Variants in MYO18B observed in about 807,000 individuals in gnomAD.
The protein encoded by MYO18B is unconventional myosin-XVIIIb.
Under a neutral mutation model 273.0 loss-of-function variants are expected in MYO18B, and 204 were observed. The observed-to-expected ratio is 0.75, with a 90% CI of 0.67 to 0.84. The LOEUF (loss-of-function observed/expected upper bound fraction) is 0.84. MYO18B is among the 40% of genes least tolerant of loss of function. The probability of loss-of-function intolerance (pLI) is 0.00; values close to 1 mark genes in which losing one functional copy is unlikely to be tolerated. For missense variants in MYO18B, 3,212 were observed against 3,287.6 expected, an observed-to-expected ratio of 0.98 and a Z score of 0.56; for synonymous variants, 1,330 against 1,305.7, an observed-to-expected ratio of 1.02 and a Z score of -0.40.
At chr22:25,765,069 G>A (rs1208018966) in intron 3 of MYO18B, among the ~76,000 whole-genome samples, 1 of 152,126 alleles carries the variant, frequency 6.6e-6, no homozygotes, top group Non-Finnish European at 1.5e-5. Context: ...CACCAGCAGC[G>A]CTGGTGTCAC....
chr22:25,990,316 A>G (rs2146837505), intron 39 of MYO18B, among the ~76,000 whole-genome samples: 1 of 152,282 alleles, frequency 6.6e-6, no homozygotes, highest in Non-Finnish European at 1.5e-5. Flanking sequence ...CCCAGGGTTC[A>G]GATCCCAGCT....
At chr22:25,977,664 G>C (rs2093106043) in intron 39 of MYO18B, among the ~76,000 whole-genome samples, 1 of 152,148 alleles carries the variant, frequency 6.6e-6, no homozygotes, top group African/African-American at 2.4e-5. Flanking sequence ...GGGTGAGGGT[G>C]AGAAAGCATC....
In MYO18B at chr22:25,921,363, G is replaced by A. The variant is rs759119999; in HGVS notation, c.5471G>A (p.Gly1824Asp). The A allele has an allele frequency of 5.6e-5, 89 of 1,596,848 alleles. No homozygotes were observed. The Admixed American group carries it at 6.1e-4, about 11-fold the overall frequency. ...CTCCTTCTGGGCACCATGGAGGATG[G>A]CAAGACATCAGTCAGCAAGGAGGAG... ...VQLLLGTMED[G>D]KTSVSKEELE... is the part of the protein sequence containing the mutation. The change falls in exon 34 of 44, where the codon GGC becomes GAC. Residue 1824 changes from glycine to aspartate, a missense_variant. Physicochemically the swap from Gly to Asp is moderately conservative, Grantham distance 94. Coordinates refer to ENST00000335473, the MANE Select transcript of MYO18B (RefSeq NM_032608.7).
chr22:25,797,491 A>T (rs2087968888), intron 11 of MYO18B, among the ~76,000 whole-genome samples: 1 of 152,204 alleles, frequency 6.6e-6, no homozygotes, highest in Non-Finnish European at 1.5e-5. Context: ...CTTACCCTAC[A>T]GAGCCTACCT....
chr22:25,860,830 G>C (rs2090710499), intron 21 of MYO18B, among the ~76,000 whole-genome samples: 1 of 151,934 alleles, frequency 6.6e-6, no homozygotes, highest in African/African-American at 2.4e-5. Flanking sequence ...GTAGTCTATA[G>C]ATGTTAGTTG....
intron 39 of MYO18B, among the ~76,000 whole-genome samples, chr22:25,974,661 C>T (rs114122159): frequency 1.4e-3 from 216 of 152,254 alleles, no homozygotes; most frequent in African/African-American, 4.8e-3. Context: ...ACTTGATTTA[C>T]GAAAACAGGC....
At chr22:26,061,670 C>T in the MYO18B span, among the ~76,000 whole-genome samples, 1 of 151,470 alleles carries the variant, frequency 6.6e-6, no homozygotes, top group Non-Finnish European at 1.5e-5. Context: ...CATCTACCAC[C>T]GAGAAAGGTC....
At chr22:25,930,729 G>A (rs2227236) in intron 34 of MYO18B, among the ~76,000 whole-genome samples, 4 of 151,970 alleles carry the variant, frequency 2.6e-5, no homozygotes, top group East Asian at 3.9e-4. Context: ...CCGCCTTGGC[G>A]TCCCAAAGTG....
At chr22:26,041,478 A>G in the MYO18B span, among the ~76,000 whole-genome samples, 1 of 152,060 alleles carries the variant, frequency 6.6e-6, no homozygotes, top group East Asian at 1.9e-4. Flanking sequence ...GTTGCAGGGA[A>G]CCAAGACTGT....
In MYO18B at chr22:25,768,906, T is replaced by G. The variant is rs1568990103; in HGVS notation, c.990T>G (p.Gly330=). Residue 330 remains glycine (G), a synonymous_variant, in exon 4 of 44, where the codon GGT becomes GGG. Transcript: ENST00000335473. ...GFLGRRSKWD[G]PQNKKDKEGV... ...TGGGAAGAAGGAGTAAGTGGGACGGTCCCCAGAATAAGAAGGACAAAGAAG... is the reference window on the plus strand; with the variant it reads ...TGGGAAGAAGGAGTAAGTGGGACGGGCCCCAGAATAAGAAGGACAAAGAAG... The G allele has an allele frequency of 6.2e-7, 1 of 1,612,664 alleles. No individual in the cohort carries two copies. Among genetic ancestry groups the G allele is most frequent in the Non-Finnish European group, 8.5e-7 (1 of 1,179,426 alleles).
At chr22:25,774,105 G>C (rs1476947332) in intron 7 of MYO18B, among the ~76,000 whole-genome samples, 1 of 152,282 alleles carries the variant, frequency 6.6e-6, no homozygotes, top group South Asian at 2.1e-4. Flanking sequence ...TTGGGGCCCT[G>C]TGGGACAAAT....
chr22:25,909,264 A>T (rs796224912), intron 32 of MYO18B, among the ~76,000 whole-genome samples: 1 of 152,206 alleles, frequency 6.6e-6, no homozygotes, highest in Non-Finnish European at 1.5e-5. Flanking sequence ...CATGTACTCT[A>T]TAAGACCTTC....
chr22:25,802,420 C>G (rs564512542), intron 12 of MYO18B, among the ~76,000 whole-genome samples: 1 of 152,112 alleles, frequency 6.6e-6, no homozygotes, highest in Non-Finnish European at 1.5e-5. Flanking sequence ...TGGCAATTAA[C>G]TCAATCTCCA....
chr22:25,918,984 T>C (rs965058162), intron 33 of MYO18B, among the ~76,000 whole-genome samples: 2 of 152,182 alleles, frequency 1.3e-5, no homozygotes, highest in African/African-American at 2.4e-5. Flanking sequence ...CATTTGCTCT[T>C]TCATATCAGT....
intron 39 of MYO18B, among the ~76,000 whole-genome samples, chr22:25,965,960 A>G (rs1364836505): frequency 6.6e-6 from 1 of 152,206 alleles, no homozygotes; most frequent in Non-Finnish European, 1.5e-5. Context: ...ATCAAGTCTC[A>G]TCGCTCACTG....
chr22:25,973,705 A>C (rs1213595235), intron 39 of MYO18B, among the ~76,000 whole-genome samples: 2 of 152,186 alleles, frequency 1.3e-5, no homozygotes, highest in Non-Finnish European at 2.9e-5. Flanking sequence ...GACAGCAGGC[A>C]TGATCTCAAA....
intron 21 of MYO18B, among the ~76,000 whole-genome samples, chr22:25,860,795 A>C (rs1018473478): frequency 6.6e-6 from 1 of 152,222 alleles, no homozygotes; most frequent in Non-Finnish European, 1.5e-5. Context: ...GTGCTTATAA[A>C]AAACATGTAT....
intron 17 of MYO18B, among the ~76,000 whole-genome samples, chr22:25,842,832 C>G (rs936526152): frequency 5.3e-5 from 8 of 152,058 alleles, no homozygotes; most frequent in African/African-American, 1.7e-4. Context: ...ATTTTGCAAG[C>G]ACTTCTGGAC....
intron 25 of MYO18B, among the ~76,000 whole-genome samples, chr22:25,889,264 C>T (rs1490945315): frequency 1.3e-5 from 2 of 152,076 alleles, no homozygotes; most frequent in Admixed American, 6.5e-5. Flanking sequence ...CTGACAGTAC[C>T]GAGAGAGGCT....
Sources: allele counts gnomAD v4.1 joint callset (sites outside exome capture counted in the v4.1 genomes callset), GRCh38; gene constraint gnomAD v4.1.1; transcripts MANE v1.5; gene names NCBI Gene and HGNC (gene_info 2026-07-23, HGNC 2026-07-21).